Variants in NGEF observed in about 807,000 individuals in gnomAD.
NGEF encodes the protein ephexin-1.
In NGEF, 31 loss-of-function variants were observed where a neutral mutation model predicts 80.9. The ratio of observed to expected loss-of-function variants is 0.38; its 90% CI spans 0.29 to 0.52. The LOEUF is 0.52. NGEF is among the 20% of genes least tolerant of loss of function. NGEF has a pLI of 0.84. For missense variants in NGEF, 709 were observed against 926.2 expected, an observed-to-expected ratio of 0.77 and a Z score of 3.04; for synonymous variants, 371 against 370.2, an observed-to-expected ratio of 1.00 and a Z score of -0.03.
intron 5 of NGEF, among the ~76,000 whole-genome samples, chr2:232,897,642 C>T (rs1399795541): frequency 6.6e-6 from 1 of 152,188 alleles, no homozygotes; most frequent in Non-Finnish European, 1.5e-5. Flanking sequence ...TGATGTCACT[C>T]CAGGGCCAGC....
At chr2:232,955,971 G>T (rs1693819141) in intron 3 of NGEF, among the ~76,000 whole-genome samples, 1 of 152,144 alleles carries the variant, frequency 6.6e-6, no homozygotes, top group South Asian at 2.1e-4. Flanking sequence ...GCGTGTTTTT[G>T]AATTTTGCAG....
At chr2:232,903,951 A>G (rs1692426925) in intron 5 of NGEF, among the ~76,000 whole-genome samples, 1 of 152,216 alleles carries the variant, frequency 6.6e-6, no homozygotes, top group Admixed American at 6.5e-5. Flanking sequence ...AACAACAAAA[A>G]TACAACTCTG....
At chr2:232,962,619 T>A (rs983306952) in intron 3 of NGEF, among the ~76,000 whole-genome samples, 1 of 151,884 alleles carries the variant, frequency 6.6e-6, no homozygotes, top group South Asian at 2.1e-4. Context: ...TAATTTTATT[T>A]TTACATACTA....
chr2:232,938,101 G>C (rs763042541), intron 3 of NGEF, among the ~76,000 whole-genome samples: 4 of 152,154 alleles, frequency 2.6e-5, no homozygotes, highest in Non-Finnish European at 5.9e-5. Flanking sequence ...ATGGTCATGG[G>C]AAGCAGATCC....
At chr2:232,911,521 T>C (rs1169173772) in intron 5 of NGEF, among the ~76,000 whole-genome samples, 1 of 152,220 alleles carries the variant, frequency 6.6e-6, no homozygotes, top group East Asian at 1.9e-4. Context: ...AATTTTAGGA[T>C]AATTTTGTCT....
intron 3 of NGEF, among the ~76,000 whole-genome samples, chr2:232,934,722 G>A (rs1267354453): frequency 1.3e-5 from 2 of 152,164 alleles, no homozygotes; most frequent in African/African-American, 2.4e-5. Context: ...CTGAGAATGG[G>A]CCAGGTGCAG....
At chr2:232,951,039 C>G (rs929235569) in intron 3 of NGEF, among the ~76,000 whole-genome samples, 2 of 152,158 alleles carry the variant, frequency 1.3e-5, no homozygotes, top group African/African-American at 4.8e-5. Context: ...CTGGCTGTTC[C>G]TGACTTGAAG....
chr2:232,976,717 T>C (rs1052510996), intron 1 of NGEF, among the ~76,000 whole-genome samples: 19 of 152,198 alleles, frequency 1.2e-4, no homozygotes, highest in African/African-American at 4.1e-4. Flanking sequence ...AGCATTAACG[T>C]ACTCAGAGGT....
chr2:233,007,035 G>A (rs1278702573), intron 1 of NGEF, among the ~76,000 whole-genome samples: 1 of 152,160 alleles, frequency 6.6e-6, no homozygotes, highest in African/African-American at 2.4e-5. Flanking sequence ...CTTGAGTCCA[G>A]GAGTTCGAGA....
chr2:232,966,437 C>A (rs1275708190), intron 3 of NGEF, among the ~76,000 whole-genome samples: 1 of 152,144 alleles, frequency 6.6e-6, no homozygotes, highest in African/African-American at 2.4e-5. Context: ...TCAGCCTTGG[C>A]CCTCCTCCCC....
In NGEF at chr2:232,992,335, A is replaced by C. The variant is rs528764439; in HGVS notation, c.-74-17371T>G. On this transcript the variant is annotated intron_variant, in intron 1 of 14. Coordinates refer to ENST00000264051, the MANE Select transcript of NGEF (RefSeq NM_019850.3). Reference sequence around the variant, plus strand: ...CACTTTGGGGGGCCGAGGCTGATGTATCACTTGAAGTCAGGAGTTCAAGAC... The same window carrying C: ...CACTTTGGGGGGCCGAGGCTGATGTCTCACTTGAAGTCAGGAGTTCAAGAC... Among the ~76,000 whole-genome samples the C allele has an allele frequency of 2.0e-5, 3 of 152,156 alleles. No individual in the cohort carries two copies. In the East Asian group the frequency reaches 5.8e-4, roughly 29 times the overall value.
chr2:232,973,088 A>G (rs1303127700), intron 2 of NGEF, among the ~76,000 whole-genome samples: 1 of 152,006 alleles, frequency 6.6e-6, no homozygotes, highest in African/African-American at 2.4e-5. Flanking sequence ...CTCATCTGAA[A>G]TATCATCTTC....
At chr2:232,983,473 G>C (rs565931057) in intron 1 of NGEF, among the ~76,000 whole-genome samples, 1 of 152,164 alleles carries the variant, frequency 6.6e-6, no homozygotes, top group Non-Finnish European at 1.5e-5. Context: ...AGGTCGGGGT[G>C]GGGGTGCAGG....
intron 1 of NGEF, among the ~76,000 whole-genome samples, chr2:232,978,262 G>GT (rs1694338142): frequency 6.6e-6 from 1 of 151,986 alleles, no homozygotes; most frequent in South Asian, 2.1e-4. Flanking sequence ...GCTCACGTCT[G>GT]TAATCCCAGC....
At chr2:233,012,745 T>C (rs996474654) in intron 1 of NGEF, 2 of 422,340 alleles carry the variant, frequency 4.7e-6, no homozygotes, top group Admixed American at 3.2e-5. Flanking sequence ...TGCATTTTTA[T>C]ATTGCACAGG....
chr2:232,983,520 G>A (rs1336971805), intron 1 of NGEF, among the ~76,000 whole-genome samples: 1 of 152,174 alleles, frequency 6.6e-6, no homozygotes, highest in Non-Finnish European at 1.5e-5. Flanking sequence ...TCTGAGCAGA[G>A]GCCTGCAGGA....
chr2:232,902,408 G>C (rs938044347), intron 5 of NGEF, among the ~76,000 whole-genome samples: 1 of 152,188 alleles, frequency 6.6e-6, no homozygotes. Flanking sequence ...CGTGAGCAGC[G>C]TGGGGAGTGG....
intron 5 of NGEF, among the ~76,000 whole-genome samples, chr2:232,908,413 A>C (rs938269413): frequency 1.3e-5 from 2 of 152,168 alleles, no homozygotes; most frequent in African/African-American, 4.8e-5. Flanking sequence ...GTCCCTCAAC[A>C]CTAGGTTTTA....
chr2:232,885,147 G>A (rs942059738), intron 10 of NGEF, 133 bp downstream of exon 10: 3 of 769,206 alleles, frequency 3.9e-6, no homozygotes, highest in African/African-American at 3.4e-5. Flanking sequence ...AGGTCAGGGG[G>A]CAGAGGGGAT....
Sources: allele counts gnomAD v4.1 joint callset (sites outside exome capture counted in the v4.1 genomes callset), GRCh38; gene constraint gnomAD v4.1.1; transcripts MANE v1.5; gene names NCBI Gene and HGNC (gene_info 2026-07-23, HGNC 2026-07-21).